The following GRID1 variants were observed in gnomAD, a reference collection of about 807,000 sequenced individuals.
GRID1 encodes glutamate receptor ionotropic, delta-1.
A neutral mutation model predicts 98.0 loss-of-function variants in GRID1; 28 were observed. The ratio of observed to expected loss-of-function variants is 0.29; its 90% confidence interval spans 0.21 to 0.39. The LOEUF is 0.39. Among genes scored for constraint, GRID1 ranks in the 10% least tolerant of loss-of-function variants. The probability of loss-of-function intolerance (pLI) is 1.00; values close to 1 mark genes in which losing one functional copy is unlikely to be tolerated. For missense variants in GRID1, 1,111 were observed against 1,340.5 expected (o/e 0.83, Z 2.67); for synonymous variants, 553 against 538.5 (o/e 1.03, Z -0.37).
intron 4 of GRID1, among the ~76,000 whole-genome samples, chr10:86,008,894 A>G (rs1352194856): frequency 6.6e-6 from 1 of 152,208 alleles, no homozygotes; most frequent in East Asian, 1.9e-4. Context: ...TTGCACATGT[A>G]CAGCAGGAAG....
chr10:86,079,833 C>T (rs1003625498), intron 4 of GRID1, among the ~76,000 whole-genome samples: 1 of 152,168 alleles, frequency 6.6e-6, no homozygotes, highest in African/African-American at 2.4e-5. Flanking sequence ...AAATTAACTC[C>T]CACTCTTCTT....
chr10:85,919,654 C>T (rs1841673825), intron 4 of GRID1, among the ~76,000 whole-genome samples: 1 of 152,242 alleles, frequency 6.6e-6, no homozygotes, highest in Non-Finnish European at 1.5e-5. Context: ...TCCTTTTCCT[C>T]TCCAGCTACA....
chr10:86,288,793 T>C (rs1036578704), intron 2 of GRID1, among the ~76,000 whole-genome samples: 11 of 152,212 alleles, frequency 7.2e-5, no homozygotes, highest in Admixed American at 7.2e-4. Context: ...AGAGCGCTTC[T>C]ATGAGCAGGG....
At chr10:85,753,353 T>C (rs992990182) in intron 8 of GRID1, among the ~76,000 whole-genome samples, 3 of 152,310 alleles carry the variant, frequency 2.0e-5, no homozygotes, top group African/African-American at 7.2e-5. Flanking sequence ...GAGGGCACTG[T>C]CAAGCACACA....
chr10:85,640,761 A>G (rs997597174), intron 13 of GRID1, among the ~76,000 whole-genome samples: 2 of 152,244 alleles, frequency 1.3e-5, no homozygotes, highest in African/African-American at 4.8e-5. Flanking sequence ...AGGAAGAGAA[A>G]GCGAATAAAT....
intron 4 of GRID1, among the ~76,000 whole-genome samples, chr10:86,135,035 G>A (rs558656701): frequency 6.6e-6 from 1 of 152,358 alleles, no homozygotes; most frequent in Admixed American, 6.5e-5. Context: ...AGAGCCATGA[G>A]CAGAAGAGAG....
chr10:86,150,159 C>A (rs1008301704), intron 3 of GRID1, among the ~76,000 whole-genome samples: 2 of 152,174 alleles, frequency 1.3e-5, no homozygotes, highest in African/African-American at 4.8e-5. Context: ...ATGGCATTTC[C>A]CCACAAGCTT....
chr10:85,651,748 G>T (rs1416138623), intron 12 of GRID1, among the ~76,000 whole-genome samples: 2 of 152,182 alleles, frequency 1.3e-5, no homozygotes, highest in African/African-American at 4.8e-5. Context: ...CAGGCTGCCT[G>T]CCAGAGTCTG....
In GRID1 at chr10:85,647,264, T is replaced by C; in HGVS notation, c.2131A>G (p.Thr711Ala). Residue 711 changes from threonine (T) to alanine (A), a missense_variant, in exon 13 of 16, where the codon ACC becomes GCC. Transcript: ENST00000327946. Reference sequence around the variant, plus strand: ...TCAGCCCCTCCGTTCTTGCTGATGGTCCGCCAGAGTTCAGCAAACGTGCTG... The same window carrying C: ...TCAGCCCCTCCGTTCTTGCTGATGGCCCGCCAGAGTTCAGCAAACGTGCTG... ...QDSTFAELWR[T>A]ISKNGGADNC... The C allele has an allele frequency of 6.2e-7, 1 of 1,614,232 alleles. No homozygotes were observed. The highest frequency in any genetic ancestry group is 8.5e-7 in the Non-Finnish European group (1 of 1,180,022).
chr10:86,335,907 G>A (rs1007713149), intron 2 of GRID1, among the ~76,000 whole-genome samples: 2 of 152,258 alleles, frequency 1.3e-5, no homozygotes, highest in African/African-American at 4.8e-5. Flanking sequence ...TGAAGGGACT[G>A]GGTATGCAGG....
chr10:86,248,563 CTTTTTTTTTTTTTTTTTTT>C (rs200060771), intron 2 of GRID1, among the ~76,000 whole-genome samples: 49 of 121,782 alleles, frequency 4.0e-4, no homozygotes, highest in Non-Finnish European at 4.4e-4. Context: ...CATGACAATT[CTTTTTTTTTTTTTTTTTTT>C]TTTTTTTTTT....
intron 4 of GRID1, among the ~76,000 whole-genome samples, chr10:86,036,776 G>C (rs1161634170): frequency 6.6e-6 from 1 of 152,184 alleles, no homozygotes; most frequent in East Asian, 1.9e-4. Flanking sequence ...AGGATCGACT[G>C]AAACACACAC....
intron 4 of GRID1, among the ~76,000 whole-genome samples, chr10:86,034,976 G>C (rs912898292): frequency 6.6e-6 from 1 of 151,858 alleles, no homozygotes; most frequent in Admixed American, 6.6e-5. Flanking sequence ...ATGGATGGAT[G>C]GTGGGTGGAT....
At chr10:85,826,142 C>T (rs1842817689) in intron 8 of GRID1, among the ~76,000 whole-genome samples, 1 of 151,990 alleles carries the variant, frequency 6.6e-6, no homozygotes, top group Non-Finnish European at 1.5e-5. Flanking sequence ...GCCTGACCAA[C>T]ATGGAGAAAC....
chr10:86,277,167 G>A (rs1304128389), intron 2 of GRID1, among the ~76,000 whole-genome samples: 1 of 152,166 alleles, frequency 6.6e-6, no homozygotes, highest in Non-Finnish European at 1.5e-5. Flanking sequence ...CAATATGAAT[G>A]TACTTAAGGC....
At chr10:86,089,946 C>T (rs1205146279) in intron 4 of GRID1, among the ~76,000 whole-genome samples, 1 of 152,066 alleles carries the variant, frequency 6.6e-6, no homozygotes, top group Non-Finnish European at 1.5e-5. Flanking sequence ...GGAGTTTCGC[C>T]ATGTTGGCCA....
intron 2 of GRID1, among the ~76,000 whole-genome samples, chr10:86,265,589 C>T (rs1418537999): frequency 6.6e-6 from 1 of 152,242 alleles, no homozygotes; most frequent in African/African-American, 2.4e-5. Flanking sequence ...GATGTGTTCT[C>T]ACCCCATGAG....
intron 5 of GRID1, among the ~76,000 whole-genome samples, chr10:85,870,495 C>G (rs188730376): frequency 1.0e-3 from 153 of 152,354 alleles, no homozygotes; most frequent in Middle Eastern, 3.4e-3. Flanking sequence ...TTCATATATA[C>G]TTCTATCCTA....
intron 8 of GRID1, among the ~76,000 whole-genome samples, chr10:85,746,101 G>C (rs1208394715): frequency 6.6e-6 from 1 of 152,108 alleles, no homozygotes; most frequent in African/African-American, 2.4e-5. Flanking sequence ...TATATTGATT[G>C]CAAGGGAGTT....
Sources: allele counts gnomAD v4.1 joint callset (sites outside exome capture counted in the v4.1 genomes callset), GRCh38; gene constraint gnomAD v4.1.1; transcripts MANE v1.5; gene names NCBI Gene and HGNC (gene_info 2026-07-23, HGNC 2026-07-21).